The following RPAP2 variants were observed in gnomAD, a reference collection of about 807,000 sequenced individuals.
The protein encoded by RPAP2 is RNA polymerase II associated protein 2.
RPAP2 carries 52 observed loss-of-function variants against 73.1 expected under a neutral mutation model. The observed-to-expected ratio is 0.71, with a 90% confidence interval of 0.57 to 0.90. The LOEUF is 0.90. Among genes scored for constraint, RPAP2 ranks in the 40% least tolerant of loss-of-function variants. The pLI is 0.00. For synonymous variants in RPAP2, 225 were observed against 242.1 expected, an observed-to-expected ratio of 0.93 and a Z score of 0.65; for missense variants, 598 against 701.8, an observed-to-expected ratio of 0.85 and a Z score of 1.67.
At chr1:92,384,372 C>T (rs1655777625) in intron 12 of RPAP2, among the ~76,000 whole-genome samples, 1 of 151,442 alleles carries the variant, frequency 6.6e-6, no homozygotes, top group Non-Finnish European at 1.5e-5. Context: ...GCCTGTAATC[C>T]CAGCACTTTG....
intron 5 of RPAP2, among the ~76,000 whole-genome samples, chr1:92,305,225 A>G (rs535543162): frequency 6.6e-6 from 1 of 151,786 alleles, no homozygotes; most frequent in East Asian, 1.9e-4. Context: ...GAGGTCAGGA[A>G]ATCGAGACCA....
intron 5 of RPAP2, among the ~76,000 whole-genome samples, chr1:92,305,518 C>A: frequency 6.9e-6 from 1 of 144,654 alleles, no homozygotes; most frequent in African/African-American, 2.6e-5. Flanking sequence ...AATTATAGGC[C>A]AAAGAGGAGA....
At chr1:92,318,486 C>CT (rs914421181) in intron 6 of RPAP2, among the ~76,000 whole-genome samples, 2 of 152,004 alleles carry the variant, frequency 1.3e-5, no homozygotes, top group African/African-American at 4.8e-5. Context: ...TTTTTCCCAC[C>CT]TTTTTTTTCT....
At chr1:92,384,970 T>A (rs540028201) in intron 12 of RPAP2, among the ~76,000 whole-genome samples, 1 of 151,582 alleles carries the variant, frequency 6.6e-6, no homozygotes, top group East Asian at 1.9e-4. Context: ...GCAACAAAGT[T>A]GCCCAGTTTT....
At chr1:92,374,793 A>G (rs905203163) in intron 11 of RPAP2, among the ~76,000 whole-genome samples, 2 of 152,208 alleles carry the variant, frequency 1.3e-5, no homozygotes, top group Non-Finnish European at 2.9e-5. Context: ...GTTAATTGCT[A>G]TTAAGTAATA....
chr1:92,325,318 A>G (rs2101188304), intron 8 of RPAP2, among the ~76,000 whole-genome samples: 1 of 152,284 alleles, frequency 6.6e-6, no homozygotes, highest in Non-Finnish European at 1.5e-5. Context: ...AGAAGTAGAA[A>G]TGTAGTAAAA....
chr1:92,350,915 G>C (rs998189242), intron 11 of RPAP2, among the ~76,000 whole-genome samples: 1 of 150,364 alleles, frequency 6.7e-6, no homozygotes, highest in Non-Finnish European at 1.5e-5. Context: ...CTGGGCGACA[G>C]AGCAAGACTC....
rs923003349 is a variant in RPAP2 at position 92,394,645 on chromosome 1, C to T, written c.*7634C>T. ...TCCAGCCTGGGCAACAGAGCAAGAC[C>T]CTGTCTCAAAAAAAGAAAAAGAAAA... On this transcript the variant is annotated 3_prime_UTR_variant, in exon 13 of 13. Coordinates refer to ENST00000610020, the MANE Select transcript of RPAP2 (RefSeq NM_024813.3). 6.6e-6 allele frequency: 1 copy of T among 151,764 alleles called. No individual in the cohort carries two copies. The highest frequency in any genetic ancestry group is 6.6e-5 in the Admixed American group (1 of 15,182). 9.4% of individuals were successfully genotyped at this position (151,764 alleles called of 1,614,324 possible).
intron 8 of RPAP2, among the ~76,000 whole-genome samples, chr1:92,331,185 A>G (rs529052252): frequency 6.6e-6 from 1 of 152,362 alleles, no homozygotes; most frequent in Non-Finnish European, 1.5e-5. Flanking sequence ...TGAAACTCAT[A>G]TCACTATGGA....
rs796291219 is a variant in RPAP2 at position 92,371,404 on chromosome 1, T to C, written c.1689-9320T>C. ...GTGGGTAGGTATCTAGGTAGATAAA[T>C]AAGACAGATGGATAGATAGATAAGA... On this transcript the variant is annotated intron_variant, in intron 11 of 12. Coordinates refer to ENST00000610020, the MANE Select transcript of RPAP2 (RefSeq NM_024813.3). Among the ~76,000 whole-genome samples the C allele has an allele frequency of 5.0e-4, 75 of 150,728 alleles. 1 individual carries two copies. Among genetic ancestry groups the C allele is most frequent in the African/African-American group, 1.7e-3 (70 of 40,976 alleles).
At chr1:92,361,808 T>C (rs183726943) in intron 11 of RPAP2, among the ~76,000 whole-genome samples, 202 of 152,196 alleles carry the variant, frequency 1.3e-3, no homozygotes, top group Non-Finnish European at 2.3e-3. Flanking sequence ...GATTCAAAAC[T>C]TTATTCCAAA....
rs1656072716 is a variant in RPAP2, at chr1:92,392,276, C to G, written c.*5265C>G. The G allele has an allele frequency of 6.6e-6, 1 of 152,094 alleles. No individual in the cohort carries two copies. Among genetic ancestry groups the G allele is most frequent in the African/African-American group, 2.4e-5 (1 of 41,382 alleles). The allele number at this position is 152,094 out of a possible 1,614,324, so 9.4% of individuals were successfully genotyped here. A position where few individuals can be genotyped will look rare whatever the true frequency, so the allele number is the denominator to read the frequency against. ...TCCATCACATAAACAGAACCAACGG[C>G]AAAAACCACATGATTATCTCAATAG... On this transcript the variant is annotated 3_prime_UTR_variant, in exon 13 of 13. Coordinates refer to ENST00000610020, the MANE Select transcript of RPAP2 (RefSeq NM_024813.3).
chr1:92,378,223 G>C (rs910328539), intron 11 of RPAP2, among the ~76,000 whole-genome samples: 2 of 149,958 alleles, frequency 1.3e-5, no homozygotes, highest in Non-Finnish European at 3.0e-5. Flanking sequence ...ATTCATTTTT[G>C]AGATGGAGTC....
intron 10 of RPAP2, among the ~76,000 whole-genome samples, chr1:92,343,640 T>C (rs1368693400): frequency 6.6e-6 from 1 of 152,200 alleles, no homozygotes; most frequent in Non-Finnish European, 1.5e-5. Flanking sequence ...AAAGTATTAA[T>C]TGAATGCCTA....
rs201140851 is a variant in RPAP2 at position 92,387,073 on chromosome 1, G to A, written c.*62G>A. Reference sequence around the variant, plus strand: ...ATTCACCGTTTCTGGAATTCTAGCCGCCATGATGGTCTGGTGGTGACTGAT... The same window carrying A: ...ATTCACCGTTTCTGGAATTCTAGCCACCATGATGGTCTGGTGGTGACTGAT... On this transcript the variant is annotated 3_prime_UTR_variant, in exon 13 of 13. Transcript: ENST00000610020. 5,144 of 1,524,298 alleles carry A rather than the reference G, an allele frequency of 3.4e-3. 7 individuals carry two copies. The highest frequency in any genetic ancestry group is 4.1e-3 in the Non-Finnish European group (4,569 of 1,114,030). 94.4% of individuals were successfully genotyped at this position (1,524,298 alleles called of 1,614,324 possible). A position where few individuals can be genotyped will look rare whatever the true frequency, so the allele number is the denominator to read the frequency against.
chr1:92,333,274 A>G, intron 8 of RPAP2, 117 bp from the exon 9 acceptor site: 1 of 730,996 alleles, frequency 1.4e-6, no homozygotes, highest in Non-Finnish European at 2.3e-6. Context: ...AAGTCTAGTT[A>G]TTTTCCTACT....
rs562488937 is a variant in RPAP2, at chr1:92,399,420, T to C, written c.*12409T>C. ...TCACCCAACCAAGCTCATAAGGACT[T>C]GTGACAAAAATAAGAGCAATAAAAT... On this transcript the variant is annotated 3_prime_UTR_variant, in exon 13 of 13. Transcript: ENST00000610020. The C allele has an allele frequency of 3.9e-5, 3 of 76,670 alleles. No homozygotes were observed. The highest frequency in any genetic ancestry group is 3.0e-4 in the African/African-American group (3 of 10,068). 4.7% of individuals were successfully genotyped at this position (76,670 alleles called of 1,614,324 possible).
At chr1:92,311,401 T>C (rs555738212) in intron 6 of RPAP2, among the ~76,000 whole-genome samples, 2 of 152,352 alleles carry the variant, frequency 1.3e-5, no homozygotes, top group East Asian at 1.9e-4. Context: ...GAGAAACTTA[T>C]ACTACCTTGT....
chr1:92,362,505 G>A (rs1654770576), intron 11 of RPAP2, among the ~76,000 whole-genome samples: 1 of 152,130 alleles, frequency 6.6e-6, no homozygotes, highest in African/African-American at 2.4e-5. Flanking sequence ...ATGAGTTTGG[G>A]ATTTGGCTGT....
Sources: allele counts gnomAD v4.1 joint callset (sites outside exome capture counted in the v4.1 genomes callset), GRCh38; gene constraint gnomAD v4.1.1; transcripts MANE v1.5; gene names NCBI Gene and HGNC (gene_info 2026-07-23, HGNC 2026-07-21).